CNIH3: variants seen among roughly 807,000 people sequenced by gnomAD.
The protein encoded by CNIH3 is protein cornichon homolog 3.
A neutral mutation model predicts 24.1 loss-of-function variants in CNIH3; 14 were observed. That is an observed-to-expected ratio of 0.58 (90% confidence interval 0.38 to 0.91). The LOEUF (loss-of-function observed/expected upper bound fraction) is 0.91, where lower values mean the gene tolerates loss of function less well. Ranked by LOEUF, CNIH3 falls within the 40% of genes least tolerant of loss-of-function variation. The probability of loss-of-function intolerance (pLI) is 0.00; values close to 1 mark genes in which losing one functional copy is unlikely to be tolerated. For missense variants in CNIH3, 178 were observed against 196.8 expected (o/e 0.90, Z 0.57); for synonymous variants, 68 against 73.8 (o/e 0.92, Z 0.40).
intron 1 of CNIH3, among the ~76,000 whole-genome samples, chr1:224,443,705 A>T (rs1455944708): frequency 2.8e-4 from 42 of 148,414 alleles, no homozygotes; most frequent in South Asian, 6.3e-4. Context: ...ATAGATATAT[A>T]TATATATTTT....
intron 1 of CNIH3, among the ~76,000 whole-genome samples, chr1:224,663,247 T>A (rs1340217471): frequency 6.6e-6 from 1 of 152,140 alleles, no homozygotes; most frequent in African/African-American, 2.4e-5. Flanking sequence ...GGTATGGGTA[T>A]GGCCGTAGAC....
chr1:224,740,246 T>C lies in CNIH3; in HGVS notation c.*890T>C, dbSNP rs2125255342. 1 of 152,334 alleles carries C rather than the reference T, an allele frequency of 6.6e-6. No homozygotes were observed. The highest frequency in any genetic ancestry group is 2.4e-5 in the African/African-American group (1 of 41,578). 9.4% of individuals were successfully genotyped at this position (152,334 alleles called of 1,614,324 possible). ...AACTTTGTTTTATGATGCTGCATCA[T>C]TTGTACTGTTTAGGTCGACGTGAGG... On this transcript the variant is annotated 3_prime_UTR_variant, in exon 6 of 6. Coordinates refer to ENST00000272133, the MANE Select transcript of CNIH3 (RefSeq NM_152495.2).
At chr1:224,499,617 G>A (rs1361683085) in intron 1 of CNIH3, among the ~76,000 whole-genome samples, 1 of 152,228 alleles carries the variant, frequency 6.6e-6, no homozygotes, top group Admixed American at 6.5e-5. Flanking sequence ...GGCAAGGAAA[G>A]CCTTTCATGA....
intron 1 of CNIH3, among the ~76,000 whole-genome samples, chr1:224,477,664 C>T (rs1433550193): frequency 1.3e-5 from 2 of 152,184 alleles, no homozygotes; most frequent in Non-Finnish European, 2.9e-5. Context: ...TTCATCTTTT[C>T]GTCTTTCTAC....
chr1:224,461,516 A>G (rs1418331244), intron 1 of CNIH3, among the ~76,000 whole-genome samples: 2 of 152,182 alleles, frequency 1.3e-5, no homozygotes, highest in African/African-American at 4.8e-5. Context: ...ACTAAAAGGA[A>G]TTTATTGAAC....
chr1:224,609,944 T>A (rs1251465380), intron 3 of CNIH3, among the ~76,000 whole-genome samples: 1 of 152,226 alleles, frequency 6.6e-6, no homozygotes, highest in Non-Finnish European at 1.5e-5. Flanking sequence ...CTTATGACTG[T>A]TCATCTTAAG....
chr1:224,654,085 A>G (rs1386977200), intron 1 of CNIH3, among the ~76,000 whole-genome samples: 1 of 152,028 alleles, frequency 6.6e-6, no homozygotes, highest in Non-Finnish European at 1.5e-5. Context: ...TGTTTAAAAA[A>G]AAAAAAAAAG....
At chr1:224,483,578 G>A (rs1676902219) in intron 1 of CNIH3, among the ~76,000 whole-genome samples, 3 of 149,340 alleles carry the variant, frequency 2.0e-5, no homozygotes, top group African/African-American at 4.9e-5. Context: ...TTTTTTTTTA[G>A]TAGAGACGAG....
intron 1 of CNIH3, among the ~76,000 whole-genome samples, chr1:224,491,922 A>G (rs1677251809): frequency 6.6e-6 from 1 of 151,918 alleles, no homozygotes; most frequent in South Asian, 2.1e-4. Flanking sequence ...TATTTACTTT[A>G]TTTTTATTTT....
At chr1:224,503,067 A>G (rs1677747963) in intron 1 of CNIH3, among the ~76,000 whole-genome samples, 1 of 142,594 alleles carries the variant, frequency 7.0e-6, no homozygotes, top group Non-Finnish European at 1.5e-5. Flanking sequence ...AGGTGGGGGC[A>G]GGGGCGGAGG....
At chr1:224,689,491 G>A (rs1218389592) in intron 3 of CNIH3, among the ~76,000 whole-genome samples, 2 of 152,150 alleles carry the variant, frequency 1.3e-5, no homozygotes, top group East Asian at 1.9e-4. Flanking sequence ...AGCATCACAC[G>A]GTGGGCCGGC....
At chr1:224,659,316 C>T (rs1646545863) in intron 1 of CNIH3, among the ~76,000 whole-genome samples, 1 of 152,184 alleles carries the variant, frequency 6.6e-6, no homozygotes. Context: ...AAAAGCAATA[C>T]AGAAAGTTAC....
intron 3 of CNIH3, chr1:224,719,210 A>C (rs1206598251): frequency 3.9e-5 from 6 of 152,320 alleles, no homozygotes; most frequent in Non-Finnish European, 8.8e-5. Flanking sequence ...AGACACACAC[A>C]GACAAACCAA....
Position 224,740,020 on chromosome 1 carries a change from A to T in CNIH3, c.*664A>T. 6.6e-6 allele frequency: 1 copy of T among 152,286 alleles called. No homozygotes were observed. The highest frequency in any genetic ancestry group is 1.9e-4 in the East Asian group (1 of 5,200). The allele number at this position is 152,286 out of a possible 1,614,324, so 9.4% of individuals were successfully genotyped here. ...ACGTTTGCAACATGATCAAGGTGTT[A>T]GTTCTCCACCACACAAGTTGTATTC... On this transcript the variant is annotated 3_prime_UTR_variant, in exon 6 of 6. Transcript: ENST00000272133.
chr1:224,522,312 C>G (rs938315659), intron 2 of CNIH3, among the ~76,000 whole-genome samples: 2 of 152,214 alleles, frequency 1.3e-5, no homozygotes, highest in African/African-American at 4.8e-5. Flanking sequence ...AATGAGTTCT[C>G]TGTTACATGA....
At chr1:224,693,960 G>C (rs1687049849) in intron 3 of CNIH3, among the ~76,000 whole-genome samples, 3 of 152,232 alleles carry the variant, frequency 2.0e-5, no homozygotes, top group Non-Finnish European at 4.4e-5. Context: ...TGCCCCATGG[G>C]GGGCCACGGT....
At chr1:224,514,779 C>T (rs1244850728), upstream of CNIH3, among the ~76,000 whole-genome samples, 2 of 152,190 alleles carry the variant, frequency 1.3e-5, no homozygotes, top group Non-Finnish European at 1.5e-5. Flanking sequence ...CTGCAGTGAG[C>T]CGTGGTCATG....
intron 3 of CNIH3, among the ~76,000 whole-genome samples, chr1:224,600,364 G>C (rs2125040393): frequency 6.6e-6 from 1 of 152,014 alleles, no homozygotes; most frequent in African/African-American, 2.4e-5. Flanking sequence ...TAATTTTTTT[G>C]TATTTTTAGT....
At chr1:224,540,094 C>A (rs1572440256), downstream of CNIH3, among the ~76,000 whole-genome samples, 2 of 152,146 alleles carry the variant, frequency 1.3e-5, no homozygotes, top group African/African-American at 4.8e-5. Flanking sequence ...CTCATAGCTT[C>A]AAAATTTCTG....
Sources: gnomAD v4.1 joint callset for allele counts (sites outside exome capture counted in the v4.1 genomes callset) on GRCh38, gnomAD v4.1.1 for gene constraint, MANE v1.5 for transcripts, NCBI Gene and HGNC (gene_info 2026-07-23, HGNC 2026-07-21) for gene names.